Variants in ZAP70 observed in about 807,000 individuals in gnomAD.
ZAP70 encodes zeta chain of T cell receptor associated protein kinase 70.
ZAP70 carries 27 observed loss-of-function variants against 65.8 expected under a neutral mutation model. That is an observed-to-expected ratio of 0.41 (90% confidence interval 0.30 to 0.57). The LOEUF is 0.57. Ranked by LOEUF, ZAP70 falls within the 20% of genes least tolerant of loss-of-function variation. The pLI is 0.28. For synonymous variants in ZAP70, 363 were observed against 360.8 expected (o/e 1.01, Z -0.07); for missense variants, 696 against 870.5 (o/e 0.80, Z 2.52).
intron 4 of ZAP70, 97 bp from the exon 5 acceptor site, chr2:97,732,786 G>A (rs1677662434): frequency 6.5e-7 from 1 of 1,545,924 alleles, no homozygotes. Flanking sequence ...AAGGCTCTGA[G>A]GTGTGGAGCC....
Position 97,724,168 on chromosome 2 carries a change from C to CG in ZAP70, c.134dup (p.Tyr46LeufsTer80), listed in dbSNP as rs1255685259. On this transcript the variant is annotated frameshift_variant, in exon 3 of 14. Transcript: ENST00000264972. LOFTEE classifies it high-confidence loss of function. Reference sequence around the variant, plus strand: ...TGCGCCAGTGCCTGCGCTCGCTGGGCGGCTATGTGCTGTCGCTCGTGCACG... The same window carrying CG: ...TGCGCCAGTGCCTGCGCTCGCTGGGCGGGCTATGTGCTGTCGCTCGTGCACG... 22 of 1,585,846 alleles carry CG rather than the reference C, an allele frequency of 1.4e-5. No homozygotes were observed. The highest frequency in any genetic ancestry group is 1.9e-5 in the Non-Finnish European group (22 of 1,166,788).
Position 97,732,914 on chromosome 2 carries a change from G to A in ZAP70, c.595G>A (p.Ala199Thr). 1 of 1,614,010 alleles carries A rather than the reference G, an allele frequency of 6.2e-7. No individual in the cohort carries two copies. The highest frequency in any genetic ancestry group is 8.5e-7 in the Non-Finnish European group (1 of 1,180,032). ...GCCGCGGAAGGAGCAGGGCACATAC[G>A]CCCTGTCCCTCATCTATGGGAAGAC... The part of the protein sequence containing the change: ...LRPRKEQGTY[A>T]LSLIYGKTVY... The change falls in exon 5 of 14, where the codon GCC becomes ACC. Residue 199 changes from alanine to threonine, a missense_variant. Ala to Thr is a moderately conservative substitution (Grantham distance 58, BLOSUM62 0). Transcript: ENST00000264972.
At chr2:97,748,919 CAT>C in the ZAP70 span, among the ~76,000 whole-genome samples, 2 of 151,922 alleles carry the variant, frequency 1.3e-5, no homozygotes, top group Admixed American at 6.6e-5. Flanking sequence ...TTGCGGATCT[CAT>C]GTGCTCTTCT....
chr2:97,713,928 ATTGGCATTGGGACCAGAGACCCCGCAAGT>A lies in ZAP70; in HGVS notation c.-87_-59del, dbSNP rs1489954304. 2 of 152,288 alleles carry A rather than the reference ATTGGCATTGGGACCAGAGACCCCGCAAGT, an allele frequency of 1.3e-5. No individual in the cohort carries two copies. Among genetic ancestry groups the A allele is most frequent in the African/African-American group, 4.8e-5 (2 of 41,424 alleles). The allele number at this position is 152,288 out of a possible 1,614,324, so 9.4% of individuals were successfully genotyped here. ...ATTCCTCACCCAGAACCGGCTCTCC[ATTGGCATTGGGACCAGAGACCCCGCAAGT>A]GGCCTGTTTGCCTGGACATCCACCT... On this transcript the variant is annotated 5_prime_UTR_variant, in exon 2 of 14. Transcript: ENST00000264972.
intron 2 of ZAP70, among the ~76,000 whole-genome samples, chr2:97,721,804 G>T (rs1232467384): frequency 1.4e-4 from 20 of 147,008 alleles, no homozygotes; most frequent in Admixed American, 7.5e-4. Flanking sequence ...TTTTGAGATT[G>T]CTGTCTCGCA....
At chr2:97,722,506 A>G (rs898969328) in intron 2 of ZAP70, among the ~76,000 whole-genome samples, 3 of 152,246 alleles carry the variant, frequency 2.0e-5, no homozygotes, top group Non-Finnish European at 4.4e-5. Context: ...CTTATGGAGA[A>G]AACATGTCAG....
rs72315642 is a variant in ZAP70 at position 97,715,115 on chromosome 2, TCC to T, written c.-22+1122_-22+1123del. Among the ~76,000 whole-genome samples, 2,554 of 152,264 alleles carry T rather than the reference TCC, an allele frequency of 0.017. 51 individuals carry two copies. Among genetic ancestry groups the T allele is most frequent in the East Asian group, 0.093 (480 of 5,176 alleles). On this transcript the variant is annotated intron_variant, in intron 2 of 13. Transcript: ENST00000264972. The surrounding 1 kb of genome is among the most constrained non-coding windows in gnomAD (Gnocchi z 4.1). ...CTCTGGGTGGCCTCGGGCTCTGGACTCCACAGTTCCTGTATGCTCTCCGGGGC... is the reference window on the plus strand; with the variant it reads ...CTCTGGGTGGCCTCGGGCTCTGGACTACAGTTCCTGTATGCTCTCCGGGGC...
intron 13 of ZAP70, 102 bp downstream of exon 13, chr2:97,738,209 C>A: frequency 5.1e-6 from 6 of 1,177,418 alleles, no homozygotes; most frequent in Non-Finnish European, 7.4e-6. Context: ...TCATCTCACC[C>A]AAAGCCCTTC....
chr2:97,740,082 T>C (rs1267246475), downstream of ZAP70, among the ~76,000 whole-genome samples: 2 of 151,958 alleles, frequency 1.3e-5, no homozygotes, highest in African/African-American at 4.8e-5. Context: ...GCCCAAGGGC[T>C]GCGTGCCTGG....
chr2:97,738,249 C>G (rs1677994315), intron 13 of ZAP70, 142 bp downstream of exon 13: 1 of 827,028 alleles, frequency 1.2e-6, no homozygotes, highest in African/African-American at 1.7e-5. Context: ...CAGCTGCCCC[C>G]TACCCCCACA....
chr2:97,716,702 G>A (rs530933960), intron 2 of ZAP70, among the ~76,000 whole-genome samples: 34 of 152,180 alleles, frequency 2.2e-4, no homozygotes, highest in Non-Finnish European at 4.1e-4. Flanking sequence ...CGTGTGGCTG[G>A]AGGGGAGTGA....
downstream of ZAP70, among the ~76,000 whole-genome samples, chr2:97,743,853 G>C (rs895024803): frequency 5.9e-5 from 9 of 152,182 alleles, no homozygotes; most frequent in Non-Finnish European, 1.3e-4. Context: ...CTGTATATGA[G>C]AGCCTGTGCT....
intron 13 of ZAP70, chr2:97,738,647 A>C: frequency 4.9e-6 from 1 of 203,312 alleles, no homozygotes; most frequent in Non-Finnish European, 1.0e-5. Context: ...ACACCCCCAG[A>C]CAAGCGGACG....
chr2:97,724,293 T>C lies in ZAP70; in HGVS notation c.257T>C (p.Phe86Ser). 1 of 1,595,776 alleles carries C rather than the reference T, an allele frequency of 6.3e-7. No homozygotes were observed. Among genetic ancestry groups the C allele is most frequent in the Non-Finnish European group, 8.5e-7 (1 of 1,172,984 alleles). ...TGTGGACCGGCAGAGCTCTGCGAGT[T>C]CTACTCGCGCGACCCCGACGGGCTG... ...AHCGPAELCEFYSRDPDGLPC... is the reference protein window; with the variant it reads ...AHCGPAELCESYSRDPDGLPC... The change falls in exon 3 of 14, where the codon TTC (phenylalanine) becomes TCC (serine). Residue 86 changes from phenylalanine to serine, a missense_variant. Phe to Ser is a radical substitution (Grantham distance 155). This residue lies in a region of ZAP70 where 551 missense variants were observed against 630.0 expected (regional missense o/e 0.87). Coordinates refer to ENST00000264972, the MANE Select transcript of ZAP70 (RefSeq NM_001079.4).
chr2:97,722,674 CTG>C (rs1161463175), intron 2 of ZAP70, among the ~76,000 whole-genome samples: 1 of 152,198 alleles, frequency 6.6e-6, no homozygotes, highest in Non-Finnish European at 1.5e-5. Flanking sequence ...GAACCTAACT[CTG>C]TATTTCCCCT....
chr2:97,754,835 A>AG, the ZAP70 span, among the ~76,000 whole-genome samples: 1 of 152,272 alleles, frequency 6.6e-6, no homozygotes, highest in South Asian at 2.1e-4. Flanking sequence ...AAGTGCACGT[A>AG]GGAAACCCTG....
In ZAP70 at chr2:97,724,116, C is replaced by T; in HGVS notation, c.80C>T (p.Ala27Val). The T allele has an allele frequency of 6.4e-7, 1 of 1,565,066 alleles. No homozygotes were observed. The change falls in exon 3 of 14, where the codon GCG (alanine) becomes GTG (valine). Residue 27 changes from alanine to valine, a missense_variant. By Grantham distance (64) the Ala-to-Val change is moderately conservative. Transcript: ENST00000264972. ...GAGGCCGAGGAGCACCTGAAGCTGG[C>T]GGGCATGGCGGACGGGCTCTTCCTG... Reference protein sequence around the residue: ...RAEAEEHLKLAGMADGLFLLR... With the variant: ...RAEAEEHLKLVGMADGLFLLR...
At chr2:97,733,913 C>T in intron 8 of ZAP70, 1 of 492,224 alleles carries the variant, frequency 2.0e-6, no homozygotes, top group Non-Finnish European at 3.7e-6. Flanking sequence ...ACCCTCCTGA[C>T]ATGCCTTATG....
chr2:97,735,576 G>T, intron 10 of ZAP70, 120 bp downstream of exon 10: 1 of 1,209,454 alleles, frequency 8.3e-7, no homozygotes, highest in South Asian at 1.4e-5. Context: ...CACCATCGTG[G>T]ACACACTCTC....
Sources: allele counts gnomAD v4.1 joint callset (sites outside exome capture counted in the v4.1 genomes callset), GRCh38; gene constraint gnomAD v4.1.1; regional missense constraint gnomAD v4.1.1; non-coding constraint Gnocchi (gnomAD v3.1); transcripts MANE v1.5; gene names NCBI Gene and HGNC (gene_info 2026-07-23, HGNC 2026-07-21).